The following LARGE1 variants were observed in gnomAD, a reference collection of about 807,000 sequenced individuals.
The protein encoded by LARGE1 is LARGE xylosyl- and glucuronyltransferase 1, also known as xylosyl- and glucuronyltransferase LARGE1.
Under a neutral mutation model 87.6 loss-of-function variants are expected in LARGE1, and 43 were observed. That is an observed-to-expected ratio of 0.49 (90% CI 0.38 to 0.63). LARGE1 has a LOEUF of 0.63. Among genes scored for constraint, LARGE1 ranks in the 30% least tolerant of loss-of-function variants. LARGE1 has a pLI of 0.00. For missense variants in LARGE1, 802 were observed against 1,000.2 expected (o/e 0.80, Z 2.67); for synonymous variants, 434 against 394.6 (o/e 1.10, Z -1.18).
intron 7 of LARGE1, among the ~76,000 whole-genome samples, chr22:33,407,981 CTT>C (rs35056659): frequency 1.1e-4 from 16 of 139,504 alleles, no homozygotes; most frequent in Admixed American, 7.3e-5. Context: ...GGAAGATAAA[CTT>C]TTTTTTTTTT....
chr22:33,802,050 G>T (rs1338631713), intron 1 of LARGE1, among the ~76,000 whole-genome samples: 4 of 149,752 alleles, frequency 2.7e-5, no homozygotes, highest in Non-Finnish European at 4.4e-5. Context: ...AAAAAAAAGA[G>T]GGGTTAACAA....
intron 5 of LARGE1, among the ~76,000 whole-genome samples, chr22:33,584,750 C>T (rs572630780): frequency 1.8e-4 from 28 of 152,158 alleles, no homozygotes; most frequent in Admixed American, 9.2e-4. Context: ...TCCCCACATA[C>T]GTACTGGGTG....
chr22:33,492,019 G>T (rs965934980), intron 6 of LARGE1, among the ~76,000 whole-genome samples: 1 of 152,184 alleles, frequency 6.6e-6, no homozygotes, highest in Admixed American at 6.5e-5. Context: ...AGATACAAAA[G>T]TATCAGTGGC....
the LARGE1 span, among the ~76,000 whole-genome samples, chr22:33,091,432 C>T: frequency 3.3e-5 from 5 of 151,958 alleles, 1 homozygote; most frequent in African/African-American, 1.2e-4. Flanking sequence ...TGGTGGCAGG[C>T]GCCTGTAATC....
intron 8 of LARGE1, 116 bp downstream of exon 8, chr22:33,384,076 A>C: frequency 1.2e-6 from 1 of 809,964 alleles, no homozygotes; most frequent in East Asian, 2.4e-5. Flanking sequence ...GTATCAGAGC[A>C]CACAGAGTCA....
chr22:33,786,583 C>T (rs555017132), intron 1 of LARGE1, among the ~76,000 whole-genome samples: 8 of 152,314 alleles, frequency 5.3e-5, no homozygotes, highest in Admixed American at 2.6e-4. Context: ...AGAGGGTCTC[C>T]GAGAATTCTC....
At chr22:33,135,925 G>A in the LARGE1 span, among the ~76,000 whole-genome samples, 6 of 152,158 alleles carry the variant, frequency 3.9e-5, no homozygotes, top group Non-Finnish European at 7.4e-5. Context: ...TATTCATTTA[G>A]AACTATTGTT....
At chr22:33,107,074 C>T in the LARGE1 span, among the ~76,000 whole-genome samples, 8 of 152,166 alleles carry the variant, frequency 5.3e-5, no homozygotes, top group Non-Finnish European at 1.0e-4. Context: ...GAAAATACTT[C>T]TAATGCAAAA....
intron 6 of LARGE1, among the ~76,000 whole-genome samples, chr22:33,499,516 T>C (rs561568085): frequency 6.6e-6 from 1 of 152,166 alleles, no homozygotes; most frequent in East Asian, 1.9e-4. Flanking sequence ...ATGGAAATCA[T>C]CCACTACCAA....
intron 6 of LARGE1, among the ~76,000 whole-genome samples, chr22:33,462,629 A>C (rs2068426557): frequency 6.6e-6 from 1 of 152,094 alleles, no homozygotes; most frequent in Non-Finnish European, 1.5e-5. Context: ...AAAAATACAA[A>C]AATTAGCCGG....
the LARGE1 span, among the ~76,000 whole-genome samples, chr22:33,097,201 G>T: frequency 6.6e-6 from 1 of 152,216 alleles, no homozygotes; most frequent in South Asian, 2.1e-4. Flanking sequence ...TCAAGGATAA[G>T]CCTTGGGCAC....
chr22:33,898,581 T>A (rs1302862625), intron 1 of LARGE1, among the ~76,000 whole-genome samples: 2 of 152,116 alleles, frequency 1.3e-5, no homozygotes, highest in African/African-American at 2.4e-5. Context: ...ATGGGGAAAC[T>A]CTTTCTCTAC....
chr22:33,163,043 G>A (rs542131339), exon 12 of LARGE1: 1 of 152,290 alleles, frequency 6.6e-6, no homozygotes, highest in African/African-American at 2.4e-5. Context: ...CTTAATCAAT[G>A]TGAGTAAAGG....
At chr22:33,143,709 G>A in the LARGE1 span, among the ~76,000 whole-genome samples, 2 of 152,056 alleles carry the variant, frequency 1.3e-5, no homozygotes, top group African/African-American at 2.4e-5. Context: ...GCAAATAGAA[G>A]AGATTAGAAA....
chr22:33,893,644 A>G (rs2146847943), intron 1 of LARGE1, among the ~76,000 whole-genome samples: 1 of 152,332 alleles, frequency 6.6e-6, no homozygotes. Context: ...CTGTGCTTCA[A>G]CTTTCAAAAG....
chr22:33,102,950 A>T, the LARGE1 span, among the ~76,000 whole-genome samples: 1 of 151,740 alleles, frequency 6.6e-6, no homozygotes, highest in African/African-American at 2.4e-5. Flanking sequence ...GAAAGAAAAA[A>T]CTTCTTCCTT....
chr22:33,524,323 A>T (rs1047226732), intron 6 of LARGE1, among the ~76,000 whole-genome samples: 1 of 151,830 alleles, frequency 6.6e-6, no homozygotes, highest in Non-Finnish European at 1.5e-5. Flanking sequence ...AATAAAATCA[A>T]GCCCATTTCC....
intron 14 of LARGE1, among the ~76,000 whole-genome samples, chr22:33,276,263 A>C (rs1403307649): frequency 2.0e-5 from 3 of 151,458 alleles, no homozygotes; most frequent in African/African-American, 7.2e-5. Context: ...TCCTTCTTCT[A>C]ATTTAACCAG....
intron 6 of LARGE1, among the ~76,000 whole-genome samples, chr22:33,446,791 A>G (rs1486298654): frequency 6.6e-6 from 1 of 152,178 alleles, no homozygotes; most frequent in Non-Finnish European, 1.5e-5. Context: ...GCTGTATGAC[A>G]CCAGGGCACC....
Sources: allele counts gnomAD v4.1 joint callset (sites outside exome capture counted in the v4.1 genomes callset), GRCh38; gene constraint gnomAD v4.1.1; transcripts MANE v1.5; gene names NCBI Gene and HGNC (gene_info 2026-07-23, HGNC 2026-07-21).